The following LVRN variants were observed in gnomAD, a reference collection of about 807,000 sequenced individuals.
LVRN encodes the protein laeverin, also known as aminopeptidase Q.
In LVRN, 99 loss-of-function variants were observed where a neutral mutation model predicts 111.4. The observed-to-expected ratio is 0.89, with a 90% CI of 0.76 to 1.05. LVRN has a LOEUF of 1.05. Ranked by LOEUF, LVRN falls within the 50% of genes least tolerant of loss-of-function variation. LVRN has a pLI of 0.00. For synonymous variants in LVRN, 488 were observed against 449.5 expected, an observed-to-expected ratio of 1.09 and a Z score of -1.08; for missense variants, 1,414 against 1,206.8, an observed-to-expected ratio of 1.17 and a Z score of -2.54.
At chr5:115,982,594 G>C (rs1299566635) in intron 1 of LVRN, among the ~76,000 whole-genome samples, 2 of 151,998 alleles carry the variant, frequency 1.3e-5, no homozygotes, top group Admixed American at 1.3e-4. Flanking sequence ...GTTTGCAGGG[G>C]GTAAACCTGA....
At chr5:115,965,203 G>A (rs561344280) in intron 1 of LVRN, among the ~76,000 whole-genome samples, 1 of 152,314 alleles carries the variant, frequency 6.6e-6, no homozygotes, top group African/African-American at 2.4e-5. Context: ...ATTATGATCA[G>A]CTTCCTTGTT....
intron 12 of LVRN, among the ~76,000 whole-genome samples, chr5:116,004,076 G>A (rs1032517805): frequency 5.3e-5 from 8 of 152,208 alleles, no homozygotes; most frequent in East Asian, 1.9e-4. Flanking sequence ...GATCATGTAA[G>A]TGAAAGTATA....
chr5:116,000,292 A>G (rs1258452443), intron 7 of LVRN, 141 bp from the exon 8 acceptor site: 2 of 1,178,886 alleles, frequency 1.7e-6, no homozygotes, highest in East Asian at 4.8e-5. Context: ...TTGTTAGCAC[A>G]TTCCAAAATA....
In LVRN at chr5:116,015,689, G is replaced by A. The variant is rs1748590257; in HGVS notation, c.2680G>A (p.Val894Ile). The change falls in exon 18 of 20, where the codon GTT becomes ATT. Residue 894 changes from valine (V) to isoleucine (I), a missense_variant. Coordinates refer to ENST00000357872, the MANE Select transcript of LVRN (RefSeq NM_173800.5). The stretch of plus-strand genomic sequence containing the variant: ...TTCTAATGAAACAAATATAATTGAG[G>A]TTGTGGCTTCATCTGAAGTTGGCCG... ...FTSNETNIIE[V>I]VASSEVGRYV... 1.2e-6 allele frequency: 2 copies of A among 1,613,204 alleles called. No homozygotes were observed. The highest frequency in any genetic ancestry group is 1.7e-6 in the Non-Finnish European group (2 of 1,179,578).
chr5:115,963,050 C>G lies in LVRN; in HGVS notation c.433C>G (p.Leu145Val). 3 of 1,613,652 alleles carry G rather than the reference C, an allele frequency of 1.9e-6. No homozygotes were observed. Among genetic ancestry groups the G allele is most frequent in the Non-Finnish European group, 2.5e-6 (3 of 1,179,942 alleles). ...CTGCACGGTGGCCACCTCTCGACTG[C>G]TGCTGCATAGCCTCTTCCAGGACTG... ...VRCTVATSRLLLHSLFQDCER... is the reference protein window; with the variant it reads ...VRCTVATSRLVLHSLFQDCER... Residue 145 changes from leucine to valine, a missense_variant, in exon 1 of 20, where the codon CTG becomes GTG. Physicochemically the swap from Leu to Val is conservative, Grantham distance 32 (BLOSUM62 1). Transcript: ENST00000357872.
intron 19 of LVRN, among the ~76,000 whole-genome samples, chr5:116,022,937 A>T (rs1212701850): frequency 2.0e-5 from 3 of 152,214 alleles, no homozygotes; most frequent in African/African-American, 7.2e-5. Context: ...AGACACCCCT[A>T]AACACATTTC....
intron 18 of LVRN, chr5:116,021,860 G>A (rs544648043): frequency 4.9e-5 from 17 of 348,068 alleles, no homozygotes; most frequent in African/African-American, 1.5e-4. Flanking sequence ...CCATGACCAC[G>A]CCTATTGAAA....
intron 5 of LVRN, 77 bp from the exon 6 acceptor site, chr5:115,993,664 C>T (rs1561561093): frequency 3.3e-6 from 3 of 919,108 alleles, no homozygotes; most frequent in South Asian, 3.2e-5. Context: ...CTTACATTTA[C>T]TTAACATGCA....
rs748219844 is a variant in LVRN at position 115,999,763 on chromosome 5, A to C, written c.1376A>C (p.Asn459Thr). ...GTGCCTCCATCTTTTCCTTTATAGA[A>C]TGAGATCTTTTTTTCTAACATTTTA... The part of the protein sequence containing the change: ...INYFNPKLPR[N>T]EIFFSNILHN... Residue 459 changes from asparagine to threonine, a missense_variant and splice_region_variant, in exon 7 of 20, where the codon AAT becomes ACT. Asn to Thr is a moderately conservative substitution (Grantham distance 65). Coordinates refer to ENST00000357872, the MANE Select transcript of LVRN (RefSeq NM_173800.5). The C allele has an allele frequency of 6.2e-7, 1 of 1,613,284 alleles. No individual in the cohort carries two copies. The highest frequency in any genetic ancestry group is 8.5e-7 in the Non-Finnish European group (1 of 1,179,672).
chr5:116,014,410 T>C lies in LVRN; in HGVS notation c.2343-10T>C. Reference sequence around the variant, plus strand: ...AAAATAAACTGTTTTTCTTTGACTTTTTCTTCAAGAATATCACTGGAAAAA... The same window carrying C: ...AAAATAAACTGTTTTTCTTTGACTTCTTCTTCAAGAATATCACTGGAAAAA... On this transcript the variant is annotated splice_polypyrimidine_tract_variant and intron_variant, in intron 15 of 19. Transcript: ENST00000357872. 6.2e-7 allele frequency: 1 copy of C among 1,602,922 alleles called. No homozygotes were observed. Among genetic ancestry groups the C allele is most frequent in the Non-Finnish European group, 8.5e-7 (1 of 1,171,662 alleles).
intron 1 of LVRN, among the ~76,000 whole-genome samples, chr5:115,969,641 C>T (rs989807610): frequency 3.3e-5 from 5 of 151,436 alleles, no homozygotes; most frequent in East Asian, 3.9e-4. Flanking sequence ...ACTAAAAATA[C>T]GAAAAAAAAT....
intron 15 of LVRN, among the ~76,000 whole-genome samples, chr5:116,013,749 G>C (rs373006731): frequency 6.6e-6 from 1 of 152,080 alleles, no homozygotes; most frequent in African/African-American, 2.4e-5. Context: ...TACCCTGACC[G>C]CAAATCTGGA....
At chr5:116,018,097 C>T (rs1279633572) in intron 18 of LVRN, among the ~76,000 whole-genome samples, 1 of 151,384 alleles carries the variant, frequency 6.6e-6, no homozygotes, top group East Asian at 1.9e-4. Context: ...TCTATTTCTA[C>T]CAAAAATTTA....
Position 116,015,226 on chromosome 5 carries a change from A to G in LVRN, c.2451-26A>G. On this transcript the variant is annotated intron_variant, in intron 16 of 19. Transcript: ENST00000357872. ...TGGGTAAACATAACTACTATGAAAA[A>G]TATCATTTTATGTTATATTTTACAG... 3.3e-6 allele frequency: 5 copies of G among 1,513,318 alleles called. No homozygotes were observed. The South Asian group carries it at 6.6e-5, about 20-fold the overall frequency. 93.7% of individuals were successfully genotyped at this position (1,513,318 alleles called of 1,614,324 possible).
chr5:115,983,373 A>T lies in LVRN; in HGVS notation c.782A>T (p.Asn261Ile). Reference sequence around the variant, plus strand: ...GAGCCAGCTCTGAAGGCAACTTTTAATATTACAATGATTCATCATCCAAGT... The same window carrying T: ...GAGCCAGCTCTGAAGGCAACTTTTATTATTACAATGATTCATCATCCAAGT... ...FDEPALKATF[N>I]ITMIHHPSYV... The change falls in exon 2 of 20, where the codon AAT (asparagine) becomes ATT (isoleucine). Residue 261 changes from asparagine to isoleucine, a missense_variant. By Grantham distance (149) the Asn-to-Ile change is moderately radical. Transcript: ENST00000357872. 2 of 1,611,174 alleles carry T rather than the reference A, an allele frequency of 1.2e-6. No homozygotes were observed. The highest frequency in any genetic ancestry group is 1.7e-6 in the Non-Finnish European group (2 of 1,179,120).
Position 115,962,814 on chromosome 5 carries a change from C to T in LVRN, c.197C>T (p.Pro66Leu), listed in dbSNP as rs748525544. Residue 66 changes from proline (P) to leucine (L), a missense_variant, in exon 1 of 20, where the codon CCG becomes CTG. Transcript: ENST00000357872. ...TCTTCCCCTCCCCTCAGGCAGAAGC[C>T]GACGCCAACCCCGAAACCCAGCAGT... is the stretch of plus-strand genomic sequence containing the variant. ...AESSPPLRQK[P>L]TPTPKPSSAR... The T allele has an allele frequency of 6.2e-7, 1 of 1,612,110 alleles. No individual in the cohort carries two copies.
At chr5:116,011,213 G>T in intron 14 of LVRN, among the ~76,000 whole-genome samples, 1 of 150,122 alleles carries the variant, frequency 6.7e-6, no homozygotes, top group Middle Eastern at 3.2e-3. Flanking sequence ...TAGGGAAAAG[G>T]ATAGTATTTA....
intron 9 of LVRN, 114 bp downstream of exon 9, chr5:116,000,772 G>A (rs1056157649): frequency 8.6e-6 from 10 of 1,164,986 alleles, no homozygotes; most frequent in Non-Finnish European, 1.2e-5. Context: ...TTGTCTTGTT[G>A]TAGAACTCCC....
At chr5:115,993,682 C>T (rs945314689) in intron 5 of LVRN, 59 bp from the exon 6 acceptor site, 29 of 1,115,562 alleles carry the variant, frequency 2.6e-5, no homozygotes, top group African/African-American at 4.8e-5. Flanking sequence ...GCAATTACAA[C>T]GAATATAACT....
Sources: allele counts gnomAD v4.1 joint callset (sites outside exome capture counted in the v4.1 genomes callset), GRCh38; gene constraint gnomAD v4.1.1; transcripts MANE v1.5; gene names NCBI Gene and HGNC (gene_info 2026-07-23, HGNC 2026-07-21).